RMDN2: variants seen among roughly 807,000 people sequenced by gnomAD.
The protein encoded by RMDN2 is regulator of microtubule dynamics protein 2.
RMDN2 carries 61 observed loss-of-function variants against 52.8 expected under a neutral mutation model. The observed-to-expected ratio is 1.16, with a 90% CI of 0.94 to 1.43. The LOEUF (loss-of-function observed/expected upper bound fraction) is 1.43, where lower values mean the gene tolerates loss of function less well. RMDN2 is among the 40% of genes most tolerant of loss of function. The pLI is 0.00. For missense variants in RMDN2, 592 were observed against 475.3 expected (o/e 1.25, Z -2.28); for synonymous variants, 180 against 153.1 (o/e 1.18, Z -1.30).
intron 10 of RMDN2, among the ~76,000 whole-genome samples, chr2:38,065,359 G>A (rs1157077398): frequency 6.6e-6 from 1 of 151,800 alleles, no homozygotes; most frequent in Non-Finnish European, 1.5e-5. Flanking sequence ...CAAATGTAAG[G>A]AAATAGGAAT....
intron 10 of RMDN2, chr2:38,012,694 A>G (rs949069525): frequency 2.1e-5 from 9 of 435,474 alleles, no homozygotes; most frequent in Non-Finnish European, 3.7e-5. Context: ...AGAAAATAGG[A>G]TGAAGTGAGT....
chr2:38,064,602 C>T (rs1019904284), intron 10 of RMDN2, among the ~76,000 whole-genome samples: 2 of 152,128 alleles, frequency 1.3e-5, no homozygotes, highest in African/African-American at 4.8e-5. Flanking sequence ...CGACAAAACT[C>T]ACTCCCCTTT....
At chr2:38,050,230 A>C (rs956443970) in intron 10 of RMDN2, among the ~76,000 whole-genome samples, 1 of 151,886 alleles carries the variant, frequency 6.6e-6, no homozygotes, top group Non-Finnish European at 1.5e-5. Context: ...CACTCCTCTC[A>C]TGCCTCCTCA....
intron 10 of RMDN2, among the ~76,000 whole-genome samples, chr2:38,045,291 C>T (rs550116554): frequency 6.6e-5 from 10 of 152,236 alleles, no homozygotes; most frequent in African/African-American, 2.2e-4. Flanking sequence ...TTTCAACAGT[C>T]GAACCAGTTT....
At chr2:38,032,697 G>C (rs1319500583) in intron 10 of RMDN2, among the ~76,000 whole-genome samples, 2 of 152,174 alleles carry the variant, frequency 1.3e-5, no homozygotes, top group African/African-American at 4.8e-5. Context: ...AAATTAGCCA[G>C]GCATGATGGC....
chr2:38,066,055 A>G (rs1326127198), intron 10 of RMDN2, among the ~76,000 whole-genome samples: 1 of 152,252 alleles, frequency 6.6e-6, no homozygotes, highest in Admixed American at 6.5e-5. Context: ...AAACTAGGGT[A>G]CAAAGATAAT....
chr2:37,957,717 C>T (rs768301954), intron 2 of RMDN2, among the ~76,000 whole-genome samples: 7 of 152,078 alleles, frequency 4.6e-5, no homozygotes, highest in Non-Finnish European at 8.8e-5. Context: ...GAAGTTTTTG[C>T]CCATGCCTAT....
At chr2:38,042,426 ACACACACACACACACAC>A (rs1482489091) in intron 10 of RMDN2, among the ~76,000 whole-genome samples, 27 of 144,274 alleles carry the variant, frequency 1.9e-4, no homozygotes, top group South Asian at 6.6e-4. Flanking sequence ...CACACACACC[ACACACACACACACACAC>A]CACACACACA....
intron 10 of RMDN2, among the ~76,000 whole-genome samples, chr2:38,064,978 C>A (rs796824799): frequency 4.6e-5 from 7 of 152,310 alleles, no homozygotes; most frequent in African/African-American, 1.4e-4. Flanking sequence ...TGACCCAACA[C>A]TTCTAATCAT....
intron 10 of RMDN2, among the ~76,000 whole-genome samples, chr2:38,055,004 T>C (rs1010520531): frequency 6.6e-6 from 1 of 152,252 alleles, no homozygotes; most frequent in Non-Finnish European, 1.5e-5. Flanking sequence ...ACCAGAAATG[T>C]CTTATGTACC....
chr2:38,016,728 A>G (rs1347707197), intron 10 of RMDN2, among the ~76,000 whole-genome samples: 1 of 152,172 alleles, frequency 6.6e-6, no homozygotes, highest in African/African-American at 2.4e-5. Context: ...CCACAGGGCT[A>G]AACCCTACAC....
intron 10 of RMDN2, among the ~76,000 whole-genome samples, chr2:38,038,185 C>A (rs1188724704): frequency 6.6e-6 from 1 of 152,148 alleles, no homozygotes; most frequent in Non-Finnish European, 1.5e-5. Flanking sequence ...CAGGGGAGGG[C>A]TTCCGGGACT....
intron 10 of RMDN2, among the ~76,000 whole-genome samples, chr2:38,051,570 T>C (rs1368122159): frequency 1.3e-5 from 2 of 152,208 alleles, no homozygotes; most frequent in African/African-American, 4.8e-5. Context: ...TTTTGAAATA[T>C]ACAATATGTT....
chr2:38,048,387 A>G (rs1681399528), intron 10 of RMDN2, among the ~76,000 whole-genome samples: 1 of 152,198 alleles, frequency 6.6e-6, no homozygotes, highest in Admixed American at 6.5e-5. Flanking sequence ...TTACAAATTT[A>G]TCCTTGTCCC....
upstream of RMDN2, among the ~76,000 whole-genome samples, chr2:37,924,214 C>T (rs908802056): frequency 1.3e-5 from 2 of 152,174 alleles, no homozygotes; most frequent in East Asian, 1.9e-4. Flanking sequence ...TTCTTCATGG[C>T]TTTATGGGTG....
intron 10 of RMDN2, among the ~76,000 whole-genome samples, chr2:38,041,241 A>G (rs1243771111): frequency 1.3e-5 from 2 of 152,178 alleles, no homozygotes; most frequent in African/African-American, 2.4e-5. Context: ...TGACAAATGC[A>G]CACTGTATCT....
In RMDN2 at chr2:38,060,149, G is replaced by A. The variant is rs113914647; in HGVS notation, c.1714-6833G>A. ...TTTAGTAGAGACAGGATTTCACTGT[G>A]TTACGCAGGATGGTCTCGATCTCCT... On this transcript the variant is annotated intron_variant, in intron 10 of 10. Transcript: ENST00000234195. Among the ~76,000 whole-genome samples, 377 of 151,292 alleles carry A rather than the reference G, an allele frequency of 2.5e-3. 1 individual carries two copies. Among genetic ancestry groups the A allele is most frequent in the African/African-American group, 8.7e-3 (359 of 41,120 alleles).
In RMDN2 at chr2:37,940,805, G is replaced by T. The variant is rs185649237; in HGVS notation, c.452+11076G>T. 1.1e-4 allele frequency among the ~76,000 whole-genome samples: 17 copies of T among 152,174 alleles called. 1 individual carries two copies. The East Asian group carries it at 3.3e-3, about 29-fold the overall frequency. ...AGCAATTTCTCTAACCTTTTATCAAGGTTCTTAGTTTCCTTGCATTGGGTT... is the reference window on the plus strand; with the variant it reads ...AGCAATTTCTCTAACCTTTTATCAATGTTCTTAGTTTCCTTGCATTGGGTT... On this transcript the variant is annotated intron_variant, in intron 2 of 10. Coordinates refer to ENST00000354545, the MANE Select transcript of RMDN2 (RefSeq NM_001170791.3).
Position 38,017,369 on chromosome 2 carries a change from T to A in RMDN2, c.*130T>A. Reference sequence around the variant, plus strand: ...CTTAGATTTGAAGGTAAAGCCATGTTTCTGCAGAATGCATTCCACTAGTAG... The same window carrying A: ...CTTAGATTTGAAGGTAAAGCCATGTATCTGCAGAATGCATTCCACTAGTAG... On this transcript the variant is annotated 3_prime_UTR_variant, in exon 11 of 11. Transcript: ENST00000354545. The A allele has an allele frequency of 7.2e-7, 1 of 1,396,992 alleles. No homozygotes were observed. The highest frequency in any genetic ancestry group is 9.3e-7 in the Non-Finnish European group (1 of 1,069,878). The allele number at this position is 1,396,992 out of a possible 1,614,324, so 86.5% of individuals were successfully genotyped here. A position where few individuals can be genotyped will look rare whatever the true frequency, so the allele number is the denominator to read the frequency against.
Sources: gnomAD v4.1 joint callset for allele counts (sites outside exome capture counted in the v4.1 genomes callset) on GRCh38, gnomAD v4.1.1 for gene constraint, MANE v1.5 for transcripts, NCBI Gene and HGNC (gene_info 2026-07-23, HGNC 2026-07-21) for gene names.